The following CPPED1 variants were observed in gnomAD, a reference collection of about 807,000 sequenced individuals.
CPPED1 encodes the protein calcineurin like phosphoesterase domain containing 1.
Under a neutral mutation model 28.0 loss-of-function variants are expected in CPPED1, and 28 were observed. The ratio of observed to expected loss-of-function variants is 1.00; its 90% CI spans 0.74 to 1.37. The LOEUF (loss-of-function observed/expected upper bound fraction) is 1.37. Ranked by LOEUF, CPPED1 falls within the 40% of genes most tolerant of loss-of-function variation. CPPED1 has a pLI of 0.00. For synonymous variants in CPPED1, 198 were observed against 180.2 expected, an observed-to-expected ratio of 1.10 and a Z score of -0.79; for missense variants, 504 against 416.5, an observed-to-expected ratio of 1.21 and a Z score of -1.83.
At chr16:12,711,826 G>A (rs1233838367) in intron 2 of CPPED1, among the ~76,000 whole-genome samples, 6 of 152,118 alleles carry the variant, frequency 3.9e-5, no homozygotes, top group African/African-American at 1.2e-4. Context: ...CCTCCTTTAT[G>A]GAAATTCTGT....
chr16:12,671,159 A>T (rs2079851015), intron 3 of CPPED1, among the ~76,000 whole-genome samples: 1 of 152,150 alleles, frequency 6.6e-6, no homozygotes, highest in African/African-American at 2.4e-5. Flanking sequence ...CTGTATTTTT[A>T]AAAGTATACT....
rs148620561 is a variant in CPPED1 at position 12,783,510 on chromosome 16, T to TTAAA, written c.71-2111_71-2108dup. ...TCTGTCTCAAAACTAAATAAATAAA[T>TTAAA]TAAATAAATAAATAAATAAATAAAT... On this transcript the variant is annotated intron_variant, in intron 1 of 3. Coordinates refer to ENST00000381774, the MANE Select transcript of CPPED1 (RefSeq NM_018340.3). 3.1e-3 allele frequency among the ~76,000 whole-genome samples: 462 copies of TTAAA among 151,056 alleles called. 1 individual carries two copies. Among genetic ancestry groups the TTAAA allele is most frequent in the East Asian group, 3.5e-3 (18 of 5,158 alleles).
At chr16:12,690,520 G>T (rs573265536) in intron 3 of CPPED1, among the ~76,000 whole-genome samples, 1 of 138,736 alleles carries the variant, frequency 7.2e-6, no homozygotes, top group African/African-American at 2.6e-5. Flanking sequence ...TCTCAAGAAA[G>T]AAAGAAAAAA....
chr16:12,790,701 G>A (rs988042278), intron 1 of CPPED1, among the ~76,000 whole-genome samples: 1 of 151,690 alleles, frequency 6.6e-6, no homozygotes, highest in African/African-American at 2.4e-5. Flanking sequence ...GGCGGGGCGG[G>A]GGTTGGATCA....
intron 2 of CPPED1, among the ~76,000 whole-genome samples, chr16:12,778,130 G>A (rs374504777): frequency 2.6e-5 from 4 of 151,594 alleles, no homozygotes; most frequent in Non-Finnish European, 5.9e-5. Flanking sequence ...GGCTGGTCTC[G>A]AACTCCTGAC....
intron 2 of CPPED1, among the ~76,000 whole-genome samples, chr16:12,769,544 T>G (rs1049191729): frequency 6.6e-6 from 1 of 152,148 alleles, no homozygotes; most frequent in Non-Finnish European, 1.5e-5. Flanking sequence ...ACTTTTTAAG[T>G]AATATTCCCA....
chr16:12,720,699 G>A (rs565826198), intron 2 of CPPED1, among the ~76,000 whole-genome samples: 2 of 152,168 alleles, frequency 1.3e-5, no homozygotes, highest in Non-Finnish European at 2.9e-5. Context: ...TGTTGGCCAG[G>A]CTGGTTGACC....
intron 2 of CPPED1, among the ~76,000 whole-genome samples, chr16:12,708,177 A>AGGG (rs2080061623): frequency 6.7e-6 from 1 of 149,780 alleles, no homozygotes; most frequent in African/African-American, 2.5e-5. Flanking sequence ...TATTGTTGGA[A>AGGG]AAAAAAAAGA....
chr16:12,693,353 C>T lies in CPPED1; in HGVS notation c.715+11271G>A, dbSNP rs138881490. 1.7e-3 allele frequency among the ~76,000 whole-genome samples: 258 copies of T among 152,258 alleles called. 3 individuals are homozygous for T. The highest frequency in any genetic ancestry group is 5.9e-3 in the African/African-American group (246 of 41,534). On this transcript the variant is annotated intron_variant, in intron 3 of 3. Coordinates refer to ENST00000381774, the MANE Select transcript of CPPED1 (RefSeq NM_018340.3). Reference sequence around the variant, plus strand: ...TGTAGCTGGGCGTGCACCACAATGCCTGGACTCATTTTTTGTGTTTTTTTG... The same window carrying T: ...TGTAGCTGGGCGTGCACCACAATGCTTGGACTCATTTTTTGTGTTTTTTTG...
At chr16:12,731,692 G>A (rs1015732982) in intron 2 of CPPED1, among the ~76,000 whole-genome samples, 1 of 151,414 alleles carries the variant, frequency 6.6e-6, no homozygotes, top group Non-Finnish European at 1.5e-5. Context: ...CCCCGCATTT[G>A]TCAGTTTTTC....
chr16:12,759,125 TGCACTCCA>T (rs2080391947), intron 2 of CPPED1, among the ~76,000 whole-genome samples: 1 of 131,112 alleles, frequency 7.6e-6, no homozygotes. Flanking sequence ...ATCACACCAC[TGCACTCCA>T]GCTTGGGCAA....
At chr16:12,713,468 C>T (rs368894476) in intron 2 of CPPED1, among the ~76,000 whole-genome samples, 12 of 151,928 alleles carry the variant, frequency 7.9e-5, no homozygotes, top group Non-Finnish European at 1.6e-4. Flanking sequence ...TGGGTTCATG[C>T]GATTCTCCTG....
At chr16:12,719,989 G>T (rs2080130224) in intron 2 of CPPED1, among the ~76,000 whole-genome samples, 1 of 151,920 alleles carries the variant, frequency 6.6e-6, no homozygotes, top group Admixed American at 6.6e-5. Flanking sequence ...TTAATTATAT[G>T]TCCATTACAC....
At chr16:12,770,897 C>A (rs370438940) in intron 2 of CPPED1, among the ~76,000 whole-genome samples, 1 of 18,244 alleles carries the variant, frequency 5.5e-5, no homozygotes, top group South Asian at 1.8e-3. Flanking sequence ...GGGGGAGGGG[C>A]GGGGCGGGGC....
intron 3 of CPPED1, among the ~76,000 whole-genome samples, chr16:12,686,241 A>ATT (rs1555483876): frequency 7.5e-5 from 8 of 106,968 alleles, no homozygotes; most frequent in East Asian, 2.4e-4. Flanking sequence ...ATATATATAT[A>ATT]TTTTTTTTTT....
chr16:12,700,592 C>A (rs947607850), intron 3 of CPPED1, among the ~76,000 whole-genome samples: 2 of 152,210 alleles, frequency 1.3e-5, no homozygotes, highest in Non-Finnish European at 2.9e-5. Context: ...GGGTTTCGCC[C>A]TGCTGGCCAG....
At chr16:12,686,498 A>T (rs982150297) in intron 3 of CPPED1, among the ~76,000 whole-genome samples, 5 of 152,204 alleles carry the variant, frequency 3.3e-5, no homozygotes, top group African/African-American at 1.2e-4. Context: ...ACTCCATTAG[A>T]ATACAGTTTT....
chr16:12,732,580 C>T (rs191726527), intron 2 of CPPED1, among the ~76,000 whole-genome samples: 1 of 151,774 alleles, frequency 6.6e-6, no homozygotes, highest in South Asian at 2.1e-4. Flanking sequence ...TGAGTTTAAA[C>T]GGACTCATAC....
At chr16:12,714,917 C>G (rs548837680) in intron 2 of CPPED1, among the ~76,000 whole-genome samples, 1 of 151,988 alleles carries the variant, frequency 6.6e-6, no homozygotes, top group African/African-American at 2.4e-5. Flanking sequence ...TAACAGTTTT[C>G]TAGTTTTAGC....
Sources: allele counts gnomAD v4.1 joint callset (sites outside exome capture counted in the v4.1 genomes callset), GRCh38; gene constraint gnomAD v4.1.1; transcripts MANE v1.5; gene names NCBI Gene and HGNC (gene_info 2026-07-23, HGNC 2026-07-21).